SYCP1: variants seen among roughly 807,000 people sequenced by gnomAD.
SYCP1 encodes synaptonemal complex protein 1.
SYCP1 carries 64 observed loss-of-function variants against 153.1 expected under a neutral mutation model. The ratio of observed to expected loss-of-function variants is 0.42; its 90% CI spans 0.34 to 0.51. SYCP1 has a LOEUF of 0.51. Among genes scored for constraint, SYCP1 ranks in the 20% least tolerant of loss-of-function variants. The probability of loss-of-function intolerance (pLI) is 0.06; values close to 1 mark genes in which losing one functional copy is unlikely to be tolerated. For missense variants in SYCP1, 997 were observed against 1,049.0 expected (o/e 0.95, Z 0.68); for synonymous variants, 384 against 341.8 (o/e 1.12, Z -1.36).
chr1:114,882,568 T>A lies in SYCP1; in HGVS notation c.911-2967T>A, dbSNP rs528313147. ...TTTTATAGTCCTTTTCTGATTTTTT[T>A]ATTTTAAATGTTTGTGATTCTCTTT... is the stretch of plus-strand genomic sequence containing the variant. On this transcript the variant is annotated intron_variant, in intron 12 of 31. Coordinates refer to ENST00000369522, the MANE Select transcript of SYCP1 (RefSeq NM_003176.4). 1.1e-4 allele frequency among the ~76,000 whole-genome samples: 17 copies of A among 152,310 alleles called. No homozygotes were observed. The East Asian group carries it at 2.3e-3, about 21-fold the overall frequency.
intron 23 of SYCP1, among the ~76,000 whole-genome samples, chr1:114,936,138 A>G (rs995562317): frequency 2.2e-4 from 34 of 152,212 alleles, no homozygotes; most frequent in African/African-American, 8.2e-4. Flanking sequence ...ATGAACATTG[A>G]CGCAAAAATC....
At chr1:114,977,117 A>G (rs140152461) in intron 27 of SYCP1, among the ~76,000 whole-genome samples, 2 of 151,916 alleles carry the variant, frequency 1.3e-5, no homozygotes, top group Admixed American at 6.6e-5. Flanking sequence ...GACTATACAC[A>G]TACCCAAAGT....
intron 20 of SYCP1, among the ~76,000 whole-genome samples, chr1:114,916,196 A>C (rs917154348): frequency 2.6e-5 from 4 of 152,174 alleles, no homozygotes; most frequent in Non-Finnish European, 4.4e-5. Context: ...GTGTTTTCAC[A>C]GTCATCTATT....
chr1:114,927,212 G>GTAAA (rs1481920534), intron 23 of SYCP1, among the ~76,000 whole-genome samples: 24 of 133,544 alleles, frequency 1.8e-4, no homozygotes, highest in Non-Finnish European at 2.9e-4. Flanking sequence ...AATTAAGTAA[G>GTAAA]GATTTTCATA....
rs188422003 is a variant in SYCP1, at chr1:114,865,787, T to G, written c.598+4978T>G. The stretch of plus-strand genomic sequence containing the variant: ...ATTTGGACAAATATGTCCGCCATTA[T>G]AGTATAATACAGAATAGTTTCATTG... On this transcript the variant is annotated intron_variant, in intron 8 of 31. Coordinates refer to ENST00000369522, the MANE Select transcript of SYCP1 (RefSeq NM_003176.4). Among the ~76,000 whole-genome samples the G allele has an allele frequency of 1.5e-3, 224 of 152,296 alleles. 3 individuals carry two copies. The highest frequency in any genetic ancestry group is 5.3e-3 in the African/African-American group (219 of 41,570).
rs1663824449 is a variant in SYCP1 at position 114,854,883 on chromosome 1, C to A, written c.-160C>A. On this transcript the variant is annotated 5_prime_UTR_variant, in exon 1 of 32. Coordinates refer to ENST00000369522, the MANE Select transcript of SYCP1 (RefSeq NM_003176.4). ...CGCCCGGGGCCCACGCGCTCCGGGC[C>A]GCTCAGGCTGAGCGATTTCCCGCCT... The A allele has an allele frequency of 6.6e-6, 1 of 152,236 alleles. No homozygotes were observed. Among genetic ancestry groups the A allele is most frequent in the Non-Finnish European group, 1.5e-5 (1 of 68,078 alleles). The allele number at this position is 152,236 out of a possible 1,614,324, so 9.4% of individuals were successfully genotyped here.
At chr1:114,927,563 T>C (rs929672016) in intron 23 of SYCP1, among the ~76,000 whole-genome samples, 10 of 152,122 alleles carry the variant, frequency 6.6e-5, no homozygotes, top group Admixed American at 6.6e-4. Flanking sequence ...ATGGAAGTTT[T>C]AGAACTGAAA....
intron 27 of SYCP1, among the ~76,000 whole-genome samples, chr1:114,975,751 A>G (rs1454180644): frequency 6.6e-6 from 1 of 151,726 alleles, no homozygotes; most frequent in Non-Finnish European, 1.5e-5. Flanking sequence ...CATTTTTCCT[A>G]TATCTTTCAT....
At chr1:114,905,429 A>G (rs1440348886) in intron 16 of SYCP1, among the ~76,000 whole-genome samples, 4 of 152,200 alleles carry the variant, frequency 2.6e-5, no homozygotes, top group Non-Finnish European at 4.4e-5. Flanking sequence ...GGAGGGGTAC[A>G]TGTGCTTCAG....
chr1:114,947,512 A>G (rs979987945), intron 27 of SYCP1, among the ~76,000 whole-genome samples, 192 bp downstream of exon 27: 6 of 152,158 alleles, frequency 3.9e-5, no homozygotes, highest in African/African-American at 1.2e-4. Context: ...ACACGTAAAT[A>G]TAAGTGTACT....
intron 27 of SYCP1, among the ~76,000 whole-genome samples, chr1:114,959,888 G>T (rs1417759836): frequency 6.6e-6 from 1 of 152,136 alleles, no homozygotes; most frequent in Non-Finnish European, 1.5e-5. Context: ...ATGACCTCCA[G>T]TTCCACCCAT....
At chr1:114,859,190 CGAT>C (rs1664212094) in intron 6 of SYCP1, among the ~76,000 whole-genome samples, 1 of 152,114 alleles carries the variant, frequency 6.6e-6, no homozygotes, top group Non-Finnish European at 1.5e-5. Flanking sequence ...CTGGTTCAAG[CGAT>C]TCTTCTGCCT....
intron 23 of SYCP1, among the ~76,000 whole-genome samples, chr1:114,928,073 A>T (rs1557807797): frequency 6.6e-6 from 1 of 152,110 alleles, no homozygotes; most frequent in Non-Finnish European, 1.5e-5. Context: ...CACCTGCCTC[A>T]GCCTCCCAAA....
At chr1:114,860,888 T>G (rs1407504382) in intron 8 of SYCP1, 79 bp downstream of exon 8, 1 of 1,134,154 alleles carries the variant, frequency 8.8e-7, no homozygotes, top group Non-Finnish European at 1.2e-6. Context: ...AATTGTCCTT[T>G]TAATTTTTGG....
At chr1:114,907,296 A>C (rs1173090695) in intron 16 of SYCP1, among the ~76,000 whole-genome samples, 1 of 152,154 alleles carries the variant, frequency 6.6e-6, no homozygotes, top group Admixed American at 6.6e-5. Context: ...AATTTAGACC[A>C]TTGATATCTT....
chr1:114,857,894 T>C (rs930683383), intron 5 of SYCP1, among the ~76,000 whole-genome samples: 1 of 152,068 alleles, frequency 6.6e-6, no homozygotes, highest in Admixed American at 6.6e-5. Context: ...ATATAGTGTC[T>C]TTAAAATGAA....
chr1:114,866,206 A>G (rs1358907204), intron 8 of SYCP1, among the ~76,000 whole-genome samples: 3 of 152,194 alleles, frequency 2.0e-5, no homozygotes, highest in East Asian at 1.9e-4. Flanking sequence ...AAGGAGCACA[A>G]TTCCTGGATC....
intron 27 of SYCP1, among the ~76,000 whole-genome samples, chr1:114,967,044 T>A (rs1486809732): frequency 6.6e-6 from 1 of 152,168 alleles, no homozygotes; most frequent in Non-Finnish European, 1.5e-5. Flanking sequence ...GAGAGACTGT[T>A]TGTAATGATT....
rs1557795577 is a variant in SYCP1 at position 114,914,114 on chromosome 1, TATC to T, written c.1718+72_1718+74del. On this transcript the variant is annotated intron_variant, in intron 20 of 31. Transcript: ENST00000369522. Reference sequence around the variant, plus strand: ...TGATATTTCTTTTCTATTAACTTGTTATCATTAATTTAAATTGGACTGCTGTTG... The same window carrying T: ...TGATATTTCTTTTCTATTAACTTGTTATTAATTTAAATTGGACTGCTGTTG... The T allele has an allele frequency of 4.1e-6, 5 of 1,231,466 alleles. No individual in the cohort carries two copies. The South Asian group carries it at 6.4e-5, about 16-fold the overall frequency. 76.3% of individuals were successfully genotyped at this position (1,231,466 alleles called of 1,614,324 possible).
Sources: allele counts gnomAD v4.1 joint callset (sites outside exome capture counted in the v4.1 genomes callset), GRCh38; gene constraint gnomAD v4.1.1; transcripts MANE v1.5; gene names NCBI Gene and HGNC (gene_info 2026-07-23, HGNC 2026-07-21).